SCD5: variants seen among roughly 807,000 people sequenced by gnomAD.
The protein encoded by SCD5 is acyl-CoA-desaturase 4.
In SCD5, 20 loss-of-function variants were observed where a neutral mutation model predicts 30.4. The observed-to-expected ratio is 0.66, with a 90% CI of 0.46 to 0.96. SCD5 has a LOEUF of 0.96. SCD5 is among the 40% of genes least tolerant of loss of function. SCD5 has a pLI of 0.00. For missense variants in SCD5, 381 were observed against 443.3 expected (o/e 0.86, Z 1.26); for synonymous variants, 173 against 176.4 (o/e 0.98, Z 0.16).
At position 82,762,097 on chromosome 4, in the gene SCD5, C is replaced by T. The variant is rs1202692981; in HGVS notation, c.232+36209G>A. ...ACAGAAGTGAGAGGATCGCTTGAGC[C>T]CAGGGAGTAGAGGCTGCAGTGAGCC... On this transcript the variant is annotated intron_variant, in intron 1 of 4. Transcript: ENST00000319540. 9.3e-5 allele frequency among the ~76,000 whole-genome samples: 14 copies of T among 150,606 alleles called. No individual in the cohort carries two copies. The South Asian group carries it at 3.0e-3, about 32-fold the overall frequency.
At position 82,630,026 on chromosome 4, in the gene SCD5, G is replaced by T. The variant is rs1426967824; in HGVS notation, c.*1301C>A. On this transcript the variant is annotated 3_prime_UTR_variant, in exon 5 of 5. Transcript: ENST00000319540. The stretch of plus-strand genomic sequence containing the variant: ...AGTAGCTAAAGTACATGCATCAGTG[G>T]CTGGGATCAATTAGAATATAAATTA... 1.3e-5 allele frequency: 2 copies of T among 152,186 alleles called. No individual in the cohort carries two copies. The highest frequency in any genetic ancestry group is 2.4e-5 in the African/African-American group (1 of 41,440). The allele number at this position is 152,186 out of a possible 1,614,324, so 9.4% of individuals were successfully genotyped here.
At position 82,758,005 on chromosome 4, in the gene SCD5, T is replaced by C. The variant is rs377592322; in HGVS notation, c.232+40301A>G. On this transcript the variant is annotated intron_variant, in intron 1 of 4. Coordinates refer to ENST00000319540, the MANE Select transcript of SCD5 (RefSeq NM_001037582.3). ...AAAAAAGTAAACAACAGAAAACAGA[T>C]CAGCTGGTGGGGTGATTGCACCCCA... Among the ~76,000 whole-genome samples the C allele has an allele frequency of 8.5e-5, 13 of 152,218 alleles. No individual in the cohort carries two copies. The East Asian group carries it at 1.2e-3, about 14-fold the overall frequency.
chr4:82,750,487 T>C (rs1004592560), intron 1 of SCD5, among the ~76,000 whole-genome samples: 3 of 152,190 alleles, frequency 2.0e-5, no homozygotes, highest in Non-Finnish European at 4.4e-5. Context: ...AGATTAAGAA[T>C]GTAATGGTGA....
intron 1 of SCD5, among the ~76,000 whole-genome samples, chr4:82,739,671 A>G (rs1475559567): frequency 1.3e-5 from 2 of 152,256 alleles, no homozygotes; most frequent in African/African-American, 4.8e-5. Context: ...CAGATCGGCC[A>G]AGGCTTGGAA....
chr4:82,737,970 T>C (rs1018737146), intron 1 of SCD5, among the ~76,000 whole-genome samples: 2 of 129,192 alleles, frequency 1.5e-5, no homozygotes, highest in Non-Finnish European at 3.3e-5. Context: ...AAAAAAAAAA[T>C]CCACTATCTA....
At chr4:82,703,833 A>G (rs1175924745) in intron 2 of SCD5, among the ~76,000 whole-genome samples, 1 of 152,230 alleles carries the variant, frequency 6.6e-6, no homozygotes, top group Non-Finnish European at 1.5e-5. Flanking sequence ...GAAAATTATC[A>G]AGTTAGGTCC....
chr4:82,768,449 G>A (rs184213998), intron 1 of SCD5, among the ~76,000 whole-genome samples: 1 of 152,144 alleles, frequency 6.6e-6, no homozygotes, highest in Non-Finnish European at 1.5e-5. Flanking sequence ...CAAAAATTAG[G>A]AAGAATAAGG....
intron 1 of SCD5, among the ~76,000 whole-genome samples, chr4:82,743,943 A>T (rs1233260511): frequency 2.0e-5 from 3 of 151,960 alleles, no homozygotes; most frequent in Non-Finnish European, 4.4e-5. Context: ...TTTCCACTTC[A>T]GCCTCCTGAG....
rs564765253 is a variant in SCD5, at chr4:82,719,794, C to T, written c.233-14381G>A. ...CTGGGATTACAGGCATGAGCCACCG[C>T]GCCCGGCCATGATTTTCTTCTTTTT... On this transcript the variant is annotated intron_variant, in intron 1 of 4. Transcript: ENST00000319540. 2.3e-4 allele frequency among the ~76,000 whole-genome samples: 34 copies of T among 150,292 alleles called. 1 individual carries two copies. Among genetic ancestry groups the T allele is most frequent in the African/African-American group, 7.4e-4 (30 of 40,408 alleles).
At chr4:82,663,274 G>T (rs969245452) in intron 3 of SCD5, among the ~76,000 whole-genome samples, 1 of 152,184 alleles carries the variant, frequency 6.6e-6, no homozygotes, top group Non-Finnish European at 1.5e-5. Context: ...TAGATAAGAA[G>T]AAGTCAGCTA....
At chr4:82,644,743 CTTAA>C (rs1727606136) in intron 3 of SCD5, among the ~76,000 whole-genome samples, 2 of 152,160 alleles carry the variant, frequency 1.3e-5, no homozygotes, top group Non-Finnish European at 2.9e-5. Flanking sequence ...AAGCCAAGAA[CTTAA>C]TTAAAGACAT....
At chr4:82,694,339 G>A (rs543539444) in intron 2 of SCD5, among the ~76,000 whole-genome samples, 38 of 152,314 alleles carry the variant, frequency 2.5e-4, no homozygotes, top group African/African-American at 8.7e-4. Flanking sequence ...GGGCGGAGGG[G>A]CCACTTCCCA....
chr4:82,650,369 C>T lies in SCD5; in HGVS notation c.570-13546G>A, dbSNP rs74761651. On this transcript the variant is annotated intron_variant, in intron 3 of 4. Transcript: ENST00000319540. ...TCACCCCAGGAAAATGGATCCAAAG[C>T]TCTTTGGTCTCAGGACCCTTTTACA... Among the ~76,000 whole-genome samples, 11 of 152,298 alleles carry T rather than the reference C, an allele frequency of 7.2e-5. No homozygotes were observed. The East Asian group carries it at 2.1e-3, about 29-fold the overall frequency.
rs78574433 is a variant in SCD5 at position 82,739,913 on chromosome 4, C to T, written c.233-34500G>A. 2.6e-3 allele frequency among the ~76,000 whole-genome samples: 399 copies of T among 152,294 alleles called. 2 individuals carry two copies. Among genetic ancestry groups the T allele is most frequent in the Middle Eastern group, 0.01 (3 of 294 alleles). ...CTAAGGCGAGTGCAGGTCCCGACCCCTCTCCATCCCCACCGCTTGCTTATC... is the reference window on the plus strand; with the variant it reads ...CTAAGGCGAGTGCAGGTCCCGACCCTTCTCCATCCCCACCGCTTGCTTATC... On this transcript the variant is annotated intron_variant, in intron 1 of 4. Coordinates refer to ENST00000319540, the MANE Select transcript of SCD5 (RefSeq NM_001037582.3).
At chr4:82,738,412 C>A (rs1578046037) in intron 1 of SCD5, among the ~76,000 whole-genome samples, 3 of 152,206 alleles carry the variant, frequency 2.0e-5, no homozygotes, top group Admixed American at 2.0e-4. Context: ...CAGAGTGAGA[C>A]TCCGTTTAAA....
At chr4:82,700,043 C>G (rs1201480527) in intron 2 of SCD5, among the ~76,000 whole-genome samples, 1 of 151,752 alleles carries the variant, frequency 6.6e-6, no homozygotes, top group Non-Finnish European at 1.5e-5. Flanking sequence ...ACGGTGAAAC[C>G]TTATCTTTAC....
intron 1 of SCD5, among the ~76,000 whole-genome samples, chr4:82,759,949 G>A (rs1295116923): frequency 6.6e-6 from 1 of 152,066 alleles, no homozygotes; most frequent in Non-Finnish European, 1.5e-5. Flanking sequence ...TTGTGCTGGA[G>A]CCAGTCAGTC....
In SCD5 at chr4:82,798,408, T is replaced by C; in HGVS notation, c.130A>G (p.Asn44Asp). The C allele has an allele frequency of 6.2e-7, 1 of 1,613,354 alleles. No individual in the cohort carries two copies. The highest frequency in any genetic ancestry group is 8.5e-7 in the Non-Finnish European group (1 of 1,179,664). ...AGGACGACATTCCTCCAGACGATGT[T>C]CTGCCGCTGCCCGCGCGCGCCTGGC... ...ERPGARGQRQ[N>D]IVWRNVVLMS... The change falls in exon 1 of 5, where the codon AAC (asparagine) becomes GAC (aspartate). Residue 44 changes from asparagine (N) to aspartate (D), a missense_variant. Transcript: ENST00000319540.
At chr4:82,674,638 G>A (rs958951497) in intron 3 of SCD5, among the ~76,000 whole-genome samples, 2 of 152,204 alleles carry the variant, frequency 1.3e-5, no homozygotes, top group Admixed American at 6.5e-5. Flanking sequence ...ACCCAAAGGA[G>A]TTGAAAACCT....
Sources: allele counts gnomAD v4.1 joint callset (sites outside exome capture counted in the v4.1 genomes callset), GRCh38; gene constraint gnomAD v4.1.1; transcripts MANE v1.5; gene names NCBI Gene and HGNC (gene_info 2026-07-23, HGNC 2026-07-21).